Variants in AKT3 observed in about 807,000 individuals in gnomAD.
AKT3 encodes the protein AKT serine/threonine kinase 3, also known as RAC-gamma serine/threonine-protein kinase.
In AKT3, 15 loss-of-function variants were observed where a neutral mutation model predicts 65.3. That is an observed-to-expected ratio of 0.23 (90% CI 0.15 to 0.35). The LOEUF (loss-of-function observed/expected upper bound fraction) is 0.35. Ranked by LOEUF, AKT3 falls within the 10% of genes least tolerant of loss-of-function variation. The probability of loss-of-function intolerance (pLI) is 1.00; values close to 1 mark genes in which losing one functional copy is unlikely to be tolerated. For missense variants in AKT3, 243 were observed against 576.5 expected, an observed-to-expected ratio of 0.42 and a Z score of 5.92; for synonymous variants, 206 against 183.8, an observed-to-expected ratio of 1.12 and a Z score of -0.98.
At chr1:243,569,985 C>T (rs1352905969) in intron 9 of AKT3, among the ~76,000 whole-genome samples, 1 of 152,148 alleles carries the variant, frequency 6.6e-6, no homozygotes, top group Non-Finnish European at 1.5e-5. Flanking sequence ...CTTAAGTAAT[C>T]ACAAGGAATT....
chr1:243,628,556 T>G (rs1339757778), intron 6 of AKT3, among the ~76,000 whole-genome samples: 1 of 152,202 alleles, frequency 6.6e-6, no homozygotes, highest in South Asian at 2.1e-4. Context: ...TCTCCTGCCT[T>G]GGCCTCCCAA....
intron 2 of AKT3, among the ~76,000 whole-genome samples, chr1:243,705,443 ATTTG>A (rs1685738300): frequency 6.6e-6 from 1 of 152,132 alleles, no homozygotes. Flanking sequence ...GTATTCTGGT[ATTTG>A]TTTCATGATA....
At chr1:243,665,643 G>A (rs1287158102) in intron 3 of AKT3, among the ~76,000 whole-genome samples, 1 of 152,154 alleles carries the variant, frequency 6.6e-6, no homozygotes, top group East Asian at 1.9e-4. Flanking sequence ...AATTAAACTC[G>A]CTAGTCTTCA....
intron 2 of AKT3, among the ~76,000 whole-genome samples, chr1:243,804,482 C>T (rs1572378635): frequency 1.3e-5 from 2 of 152,236 alleles, no homozygotes; most frequent in South Asian, 4.1e-4. Context: ...CTAACAAATG[C>T]ATTACCTCAC....
chr1:243,520,075 G>T (rs1382577167), intron 12 of AKT3, among the ~76,000 whole-genome samples: 1 of 152,174 alleles, frequency 6.6e-6, no homozygotes, highest in Non-Finnish European at 1.5e-5. Flanking sequence ...AGGTTGAAAT[G>T]TGTCCCTCCA....
At chr1:243,595,242 C>T (rs1445067256) in intron 8 of AKT3, among the ~76,000 whole-genome samples, 1 of 152,124 alleles carries the variant, frequency 6.6e-6, no homozygotes, top group Non-Finnish European at 1.5e-5. Flanking sequence ...CATCTAAACA[C>T]ATCTAGAAAA....
At chr1:243,668,035 A>T (rs1682918183) in intron 3 of AKT3, among the ~76,000 whole-genome samples, 1 of 151,760 alleles carries the variant, frequency 6.6e-6, no homozygotes, top group South Asian at 2.1e-4. Context: ...TCTATTTTTT[A>T]TTTTCCATAG....
chr1:243,791,794 G>A (rs767146747), intron 2 of AKT3, among the ~76,000 whole-genome samples: 107 of 152,304 alleles, frequency 7.0e-4, no homozygotes, highest in Non-Finnish European at 9.0e-4. Context: ...GCTCCTGCAA[G>A]CTTCATTCAG....
At chr1:243,615,052 A>T in intron 7 of AKT3, 44 bp downstream of exon 7, 1 of 1,361,868 alleles carries the variant, frequency 7.3e-7, no homozygotes, top group South Asian at 1.3e-5. Flanking sequence ...AATTCCTTAA[A>T]TTTCAAATGT....
At chr1:243,831,289 A>T (rs1246396498) in intron 2 of AKT3, among the ~76,000 whole-genome samples, 12 of 152,242 alleles carry the variant, frequency 7.9e-5, no homozygotes. Flanking sequence ...GGAAAGGAGA[A>T]ATAACAGATC....
chr1:243,593,582 G>A (rs1676386694), intron 8 of AKT3, among the ~76,000 whole-genome samples: 1 of 152,100 alleles, frequency 6.6e-6, no homozygotes, highest in African/African-American at 2.4e-5. Context: ...AGCTGCTTGG[G>A]AGGCTGAGGC....
chr1:243,806,168 C>T (rs1692711538), intron 2 of AKT3, among the ~76,000 whole-genome samples: 1 of 152,148 alleles, frequency 6.6e-6, no homozygotes, highest in Non-Finnish European at 1.5e-5. Flanking sequence ...ACATGACTTC[C>T]TAGTTCTCCC....
At chr1:243,519,675 C>T (rs538854560) in intron 12 of AKT3, among the ~76,000 whole-genome samples, 8 of 152,168 alleles carry the variant, frequency 5.3e-5, no homozygotes, top group South Asian at 2.1e-4. Flanking sequence ...CTGCTAAATC[C>T]CTCTCATTAA....
intron 2 of AKT3, chr1:243,814,834 T>G (rs1028849166): frequency 6.6e-6 from 1 of 152,208 alleles, no homozygotes; most frequent in Admixed American, 6.5e-5. Context: ...GCATAAGGCA[T>G]AGCAAAACTA....
At chr1:243,516,527 T>A (rs1468182053) in intron 12 of AKT3, among the ~76,000 whole-genome samples, 2 of 152,230 alleles carry the variant, frequency 1.3e-5, no homozygotes, top group African/African-American at 4.8e-5. Context: ...TGTGTTTAAC[T>A]TGTTCTTATT....
intron 12 of AKT3, among the ~76,000 whole-genome samples, chr1:243,527,032 T>C (rs934229384): frequency 6.6e-6 from 1 of 152,010 alleles, no homozygotes; most frequent in Non-Finnish European, 1.5e-5. Context: ...AAGAAAATAA[T>C]AAATACTAAG....
intron 2 of AKT3, among the ~76,000 whole-genome samples, chr1:243,736,023 G>A (rs941502808): frequency 2.6e-5 from 4 of 152,136 alleles, no homozygotes; most frequent in Admixed American, 2.6e-4. Context: ...TAAACCATCT[G>A]CCACATACTT....
At position 243,595,748 on chromosome 1, in the gene AKT3, C is replaced by T. The variant is rs532758233; in HGVS notation, c.696+17923G>A. 9.0e-4 allele frequency among the ~76,000 whole-genome samples: 137 copies of T among 152,258 alleles called. 1 individual carries two copies. Among genetic ancestry groups the T allele is most frequent in the African/African-American group, 3.0e-3 (126 of 41,536 alleles). ...CTGTAAGGTCTTTCGGAGCAGGCAT[C>T]GAGTAGTCATCTCCTACGCTAACAA... On this transcript the variant is annotated intron_variant, in intron 8 of 13. Coordinates refer to ENST00000673466, the MANE Select transcript of AKT3 (RefSeq NM_005465.7).
intron 4 of AKT3, among the ~76,000 whole-genome samples, chr1:243,658,023 T>C (rs1681952527): frequency 6.6e-6 from 1 of 152,016 alleles, no homozygotes; most frequent in Non-Finnish European, 1.5e-5. Flanking sequence ...TACAAACTCC[T>C]AGGAAAAAAC....
Sources: allele counts gnomAD v4.1 joint callset (sites outside exome capture counted in the v4.1 genomes callset), GRCh38; gene constraint gnomAD v4.1.1; transcripts MANE v1.5; gene names NCBI Gene and HGNC (gene_info 2026-07-23, HGNC 2026-07-21).